The following AMOTL1 variants were observed in gnomAD, a reference collection of about 807,000 sequenced individuals.
The protein encoded by AMOTL1 is angiomotin like 1, also known as angiomotin-like protein 1.
A neutral mutation model predicts 102.9 loss-of-function variants in AMOTL1; 45 were observed. The ratio of observed to expected loss-of-function variants is 0.44; its 90% CI spans 0.34 to 0.56. The LOEUF is 0.56. Ranked by LOEUF, AMOTL1 falls within the 20% of genes least tolerant of loss-of-function variation. AMOTL1 has a pLI of 0.01. For synonymous variants in AMOTL1, 481 were observed against 484.7 expected (o/e 0.99, Z 0.10); for missense variants, 1,114 against 1,225.6 (o/e 0.91, Z 1.36).
At chr11:94,785,503 A>G (rs1951172255) in intron 1 of AMOTL1, among the ~76,000 whole-genome samples, 6 of 152,050 alleles carry the variant, frequency 3.9e-5, no homozygotes. Flanking sequence ...TATTGGTTAT[A>G]CTCTTTATTA....
intron 8 of AMOTL1, among the ~76,000 whole-genome samples, 158 bp from the exon 9 acceptor site, chr11:94,859,367 G>A (rs1040292053): frequency 3.3e-5 from 5 of 152,184 alleles, no homozygotes; most frequent in South Asian, 2.1e-4. Flanking sequence ...TTTGCAGAGC[G>A]CCATGAGAAT....
chr11:94,736,263 G>A (rs531294777), intron 2 of AMOTL1, among the ~76,000 whole-genome samples: 1 of 152,246 alleles, frequency 6.6e-6, no homozygotes, highest in South Asian at 2.1e-4. Flanking sequence ...ATGTATGTAT[G>A]TATTTTGAGA....
At chr11:94,716,368 C>T (rs930941231) in intron 1 of AMOTL1, among the ~76,000 whole-genome samples, 1 of 152,120 alleles carries the variant, frequency 6.6e-6, no homozygotes, top group African/African-American at 2.4e-5. Context: ...TGTCATTTCT[C>T]ATAAAAGTTG....
intron 3 of AMOTL1, among the ~76,000 whole-genome samples, chr11:94,756,490 G>T (rs1304140546): frequency 6.6e-6 from 1 of 151,904 alleles, no homozygotes; most frequent in Non-Finnish European, 1.5e-5. Context: ...ACTCTTATTC[G>T]GCTGCATCTG....
chr11:94,857,033 G>A (rs150335897), intron 8 of AMOTL1, among the ~76,000 whole-genome samples: 1,807 of 152,256 alleles, frequency 0.012, 9 homozygotes, highest in Non-Finnish European at 0.019. Context: ...GCATGGAATC[G>A]TGTGTTGATT....
At chr11:94,848,635 G>C (rs1028926321) in intron 6 of AMOTL1, among the ~76,000 whole-genome samples, 3 of 152,180 alleles carry the variant, frequency 2.0e-5, no homozygotes, top group Non-Finnish European at 4.4e-5. Context: ...GGAGACCCTG[G>C]ACAAGTGCCT....
rs989125142 is a variant in AMOTL1, at chr11:94,871,097, G to A, written c.*302G>A. On this transcript the variant is annotated 3_prime_UTR_variant, in exon 13 of 13. Coordinates refer to ENST00000433060, the MANE Select transcript of AMOTL1 (RefSeq NM_130847.3). ...TTGTACAGAAAATGTATCTCTTGGG[G>A]AGGGCCTGTGTACCCCCATTCTCTG... 16 of 235,354 alleles carry A rather than the reference G, an allele frequency of 6.8e-5. No homozygotes were observed. In the Middle Eastern group the frequency reaches 4.0e-3, roughly 59 times the overall value. The allele number at this position is 235,354 out of a possible 1,614,324, so 14.6% of individuals were successfully genotyped here.
intron 6 of AMOTL1, among the ~76,000 whole-genome samples, chr11:94,840,681 T>TATATATATATATATATATATACACACAC (rs1166713705): frequency 1.9e-5 from 2 of 104,782 alleles, no homozygotes; most frequent in African/African-American, 8.1e-5. Flanking sequence ...TATATATATA[T>TATATATATATATATATATATACACACAC]ACACACACAC....
At chr11:94,777,988 A>G (rs1163499335) in intron 1 of AMOTL1, among the ~76,000 whole-genome samples, 1 of 152,248 alleles carries the variant, frequency 6.6e-6, no homozygotes, top group African/African-American at 2.4e-5. Context: ...TTTGCTCCCC[A>G]TGGAATTCAT....
At chr11:94,765,153 C>T (rs148027108), upstream of AMOTL1, among the ~76,000 whole-genome samples, 58 of 152,348 alleles carry the variant, frequency 3.8e-4, no homozygotes, top group African/African-American at 1.3e-3. Context: ...GGCCCATCAT[C>T]TTCTTAGCTT....
chr11:94,707,760 T>A (rs1949954290), intron 1 of AMOTL1, among the ~76,000 whole-genome samples: 1 of 152,128 alleles, frequency 6.6e-6, no homozygotes, highest in African/African-American at 2.4e-5. Context: ...ATTTCTGGAT[T>A]TCACCCTAAA....
chr11:94,764,178 G>A (rs1462261580), upstream of AMOTL1, among the ~76,000 whole-genome samples: 1 of 151,992 alleles, frequency 6.6e-6, no homozygotes, highest in Non-Finnish European at 1.5e-5. Context: ...AATCTCTAGT[G>A]TGTTCACCAT....
intron 9 of AMOTL1, among the ~76,000 whole-genome samples, chr11:94,862,262 A>C (rs552116330): frequency 6.6e-6 from 1 of 152,356 alleles, no homozygotes; most frequent in South Asian, 2.1e-4. Context: ...CTTTTCAAAG[A>C]AAACCTCTGT....
chr11:94,854,904 C>T (rs996116014), intron 8 of AMOTL1, among the ~76,000 whole-genome samples: 1 of 152,172 alleles, frequency 6.6e-6, no homozygotes, highest in Non-Finnish European at 1.5e-5. Context: ...GCTGCCTGTC[C>T]TTCTCTGCTG....
intron 8 of AMOTL1, among the ~76,000 whole-genome samples, chr11:94,858,623 A>G (rs1952713520): frequency 6.6e-6 from 1 of 152,178 alleles, no homozygotes; most frequent in Non-Finnish European, 1.5e-5. Context: ...ACCCCAGGAC[A>G]TAGACTAACT....
Position 94,861,261 on chromosome 11 carries a change from C to A in AMOTL1, c.2135+1546C>A, listed in dbSNP as rs147779450. 6.5e-3 allele frequency among the ~76,000 whole-genome samples: 992 copies of A among 152,264 alleles called. 18 individuals are homozygous for A. Among genetic ancestry groups the A allele is most frequent in the African/African-American group, 0.023 (952 of 41,546 alleles). On this transcript the variant is annotated intron_variant, in intron 9 of 12. Coordinates refer to ENST00000433060, the MANE Select transcript of AMOTL1 (RefSeq NM_130847.3). ...GAAGTTGCAGCCTCCAGTTCAGTCC[C>A]TGCAGTATATGGATGGGCACAGGGA...
chr11:94,841,018 C>G (rs1952291162), intron 6 of AMOTL1, among the ~76,000 whole-genome samples: 1 of 152,062 alleles, frequency 6.6e-6, no homozygotes, highest in Non-Finnish European at 1.5e-5. Flanking sequence ...CATTTTAACA[C>G]CTTCAGATCA....
chr11:94,816,924 A>G (rs1951776151), intron 3 of AMOTL1, among the ~76,000 whole-genome samples: 1 of 152,180 alleles, frequency 6.6e-6, no homozygotes, highest in African/African-American at 2.4e-5. Context: ...AAATTAGTTC[A>G]GTTTCTCTAT....
intron 1 of AMOTL1, among the ~76,000 whole-genome samples, chr11:94,770,377 C>T (rs1178302843): frequency 1.3e-5 from 2 of 151,556 alleles, no homozygotes; most frequent in African/African-American, 4.9e-5. Flanking sequence ...AGGAAAACAC[C>T]GATTCGACCA....
Sources: gnomAD v4.1 joint callset for allele counts (sites outside exome capture counted in the v4.1 genomes callset) on GRCh38, gnomAD v4.1.1 for gene constraint, MANE v1.5 for transcripts, NCBI Gene and HGNC (gene_info 2026-07-23, HGNC 2026-07-21) for gene names.